SPATS2: variants seen among roughly 807,000 people sequenced by gnomAD.
SPATS2 encodes spermatogenesis-associated serine-rich protein 2.
In SPATS2, 38 loss-of-function variants were observed where a neutral mutation model predicts 63.7. The observed-to-expected ratio is 0.60, with a 90% CI of 0.46 to 0.78. The LOEUF (loss-of-function observed/expected upper bound fraction) is 0.78. Among genes scored for constraint, SPATS2 ranks in the 30% least tolerant of loss-of-function variants. SPATS2 has a pLI of 0.00. For synonymous variants in SPATS2, 207 were observed against 232.9 expected, an observed-to-expected ratio of 0.89 and a Z score of 1.01; for missense variants, 588 against 666.2, an observed-to-expected ratio of 0.88 and a Z score of 1.29.
intron 2 of SPATS2, among the ~76,000 whole-genome samples, chr12:49,446,366 A>G (rs982286740): frequency 2.0e-5 from 3 of 152,232 alleles, no homozygotes; most frequent in Admixed American, 6.5e-5. Flanking sequence ...GTTGGGCACA[A>G]TGTGGCTCAG....
chr12:49,393,219 T>C (rs912230835), intron 2 of SPATS2, among the ~76,000 whole-genome samples: 1 of 152,156 alleles, frequency 6.6e-6, no homozygotes, highest in African/African-American at 2.4e-5. Context: ...TCAGTGATTA[T>C]TAAAATTTTT....
chr12:49,498,351 A>G (rs1176345224), intron 8 of SPATS2, among the ~76,000 whole-genome samples: 2 of 152,028 alleles, frequency 1.3e-5, no homozygotes, highest in African/African-American at 2.4e-5. Context: ...AGAAAGGTAA[A>G]TAGAACTCTT....
chr12:49,514,135 A>C (rs994181293), intron 9 of SPATS2, among the ~76,000 whole-genome samples: 5 of 148,658 alleles, frequency 3.4e-5, no homozygotes, highest in Admixed American at 6.6e-5. Flanking sequence ...CCAGCCTAGG[A>C]GACAGCGAGA....
At chr12:49,452,553 T>C (rs902844947) in intron 2 of SPATS2, among the ~76,000 whole-genome samples, 5 of 152,182 alleles carry the variant, frequency 3.3e-5, no homozygotes, top group African/African-American at 7.2e-5. Context: ...GCTGGAGTTA[T>C]AGGCATGAGC....
intron 2 of SPATS2, among the ~76,000 whole-genome samples, chr12:49,374,958 CAAAAAAA>C (rs10687716): frequency 1.2e-4 from 3 of 24,738 alleles, no homozygotes; most frequent in Admixed American, 1.0e-3. Context: ...GGATCTGTCT[CAAAAAAA>C]AAAAAAAAAA....
At position 49,484,689 on chromosome 12, in the gene SPATS2, A is replaced by T; in HGVS notation, c.105+20A>T. ...GAGAAGGTAAGACTAGTCACTATGG[A>T]TAGTAAACTTAAATGTCATAGGAAA... On this transcript the variant is annotated intron_variant, in intron 4 of 13. Transcript: ENST00000552918. 1 of 1,610,024 alleles carries T rather than the reference A, an allele frequency of 6.2e-7. No homozygotes were observed. The highest frequency in any genetic ancestry group is 8.5e-7 in the Non-Finnish European group (1 of 1,176,632).
At position 49,496,848 on chromosome 12, in the gene SPATS2, A is replaced by T; in HGVS notation, c.542A>T (p.Asn181Ile). The T allele has an allele frequency of 6.2e-7, 1 of 1,614,156 alleles. No homozygotes were observed. Among genetic ancestry groups the T allele is most frequent in the Non-Finnish European group, 8.5e-7 (1 of 1,180,008 alleles). The change falls in exon 8 of 14, where the codon AAT becomes ATT. Residue 181 changes from asparagine (N) to isoleucine (I), a missense_variant. Coordinates refer to ENST00000552918, the MANE Select transcript of SPATS2 (RefSeq NM_023071.4). The part of the protein sequence containing the change: ...TLDRTGSMLQ[N>I]GVSDFETKSL... ...TCTTGGACAGGATCCATGCTGCAGA[A>T]TGGTGTCTCTGATTTTGAGACCAAG...
At chr12:49,408,252 C>CTTTTTT (rs201465422) in intron 2 of SPATS2, among the ~76,000 whole-genome samples, 2 of 137,108 alleles carry the variant, frequency 1.5e-5, no homozygotes, top group African/African-American at 2.7e-5. Context: ...TAGTATTCTT[C>CTTTTTT]TTTTTTTTTT....
At chr12:49,374,445 A>C (rs1475376429) in intron 2 of SPATS2, among the ~76,000 whole-genome samples, 2 of 152,132 alleles carry the variant, frequency 1.3e-5, no homozygotes, top group Non-Finnish European at 2.9e-5. Context: ...TATTATCTTT[A>C]GCCACTGGAT....
chr12:49,522,206 G>C (rs1248035352), intron 11 of SPATS2, among the ~76,000 whole-genome samples: 1 of 148,614 alleles, frequency 6.7e-6, no homozygotes, highest in African/African-American at 2.6e-5. Flanking sequence ...ATTACTTGCA[G>C]CATAAACTTC....
intron 2 of SPATS2, among the ~76,000 whole-genome samples, chr12:49,402,858 G>A (rs1243514026): frequency 6.6e-6 from 1 of 152,192 alleles, no homozygotes; most frequent in Non-Finnish European, 1.5e-5. Context: ...TGGTATAAGA[G>A]TGTGAGAGAG....
intron 2 of SPATS2, among the ~76,000 whole-genome samples, chr12:49,450,206 C>T (rs1439284595): frequency 6.6e-6 from 1 of 151,278 alleles, no homozygotes; most frequent in Non-Finnish European, 1.5e-5. Context: ...TCCAGCCACT[C>T]TAACAATTTC....
chr12:49,519,020 T>A, intron 10 of SPATS2, 53 bp from the exon 11 acceptor site: 11 of 1,455,474 alleles, frequency 7.6e-6, no homozygotes, highest in Non-Finnish European at 1.0e-5. Context: ...TTCTAGTTCT[T>A]CTTTATCCTA....
chr12:49,393,532 G>A (rs1024078790), intron 2 of SPATS2, among the ~76,000 whole-genome samples: 3 of 151,882 alleles, frequency 2.0e-5, no homozygotes, highest in East Asian at 1.9e-4. Context: ...CTCTTTGTTC[G>A]TATTTAGAAT....
intron 2 of SPATS2, among the ~76,000 whole-genome samples, chr12:49,398,961 C>T (rs1272833145): frequency 6.6e-6 from 1 of 152,136 alleles, no homozygotes; most frequent in African/African-American, 2.4e-5. Context: ...CTCTCTTAGG[C>T]TGTTTTAGCA....
intron 2 of SPATS2, among the ~76,000 whole-genome samples, chr12:49,446,052 C>T (rs938012699): frequency 1.4e-4 from 22 of 151,894 alleles, no homozygotes; most frequent in Non-Finnish European, 2.6e-4. Context: ...TACAGGCACG[C>T]GCCACCACAC....
At chr12:49,524,142 G>T (rs1946991712) in intron 12 of SPATS2, among the ~76,000 whole-genome samples, 1 of 152,148 alleles carries the variant, frequency 6.6e-6, no homozygotes, top group Non-Finnish European at 1.5e-5. Flanking sequence ...TTTGCAGAAA[G>T]AAATTTGGCA....
chr12:49,435,505 T>C (rs919901992), intron 2 of SPATS2, among the ~76,000 whole-genome samples: 4 of 151,242 alleles, frequency 2.6e-5, no homozygotes, highest in African/African-American at 9.7e-5. Context: ...TTTGTATTTT[T>C]AGTAGGGACG....
intron 9 of SPATS2, among the ~76,000 whole-genome samples, chr12:49,512,444 T>A (rs1386200203): frequency 6.6e-6 from 1 of 152,206 alleles, no homozygotes; most frequent in Admixed American, 6.5e-5. Context: ...AGTTTTTTTT[T>A]AATGGAGGGG....
Sources: allele counts gnomAD v4.1 joint callset (sites outside exome capture counted in the v4.1 genomes callset), GRCh38; gene constraint gnomAD v4.1.1; transcripts MANE v1.5; gene names NCBI Gene and HGNC (gene_info 2026-07-23, HGNC 2026-07-21).